The following CDH2 variants were observed in gnomAD, a reference collection of about 807,000 sequenced individuals.
CDH2 encodes cadherin 2, also known as cadherin-2.
Under a neutral mutation model 92.0 loss-of-function variants are expected in CDH2, and 17 were observed. The observed-to-expected ratio is 0.18, with a 90% CI of 0.13 to 0.28. The LOEUF (loss-of-function observed/expected upper bound fraction) is 0.28. Ranked by LOEUF, CDH2 falls within the 10% of genes least tolerant of loss-of-function variation. CDH2 has a pLI of 1.00. For synonymous variants in CDH2, 419 were observed against 415.9 expected (o/e 1.01, Z -0.09); for missense variants, 862 against 1,133.1 (o/e 0.76, Z 3.44).
chr18:27,986,004 C>A (rs2012220665), intron 11 of CDH2, among the ~76,000 whole-genome samples: 2 of 152,130 alleles, frequency 1.3e-5, no homozygotes, highest in Admixed American at 1.3e-4. Flanking sequence ...ACGAAGAATG[C>A]CCCTGTGATG....
At chr18:28,123,761 T>C (rs1258486418) in intron 2 of CDH2, among the ~76,000 whole-genome samples, 1 of 152,154 alleles carries the variant, frequency 6.6e-6, no homozygotes, top group African/African-American at 2.4e-5. Flanking sequence ...ATTGATCAGC[T>C]CAGACTAAAC....
intron 2 of CDH2, among the ~76,000 whole-genome samples, chr18:28,113,523 C>T (rs1447263935): frequency 6.7e-6 from 1 of 149,410 alleles, no homozygotes; most frequent in Admixed American, 6.7e-5. Flanking sequence ...TTACCAAAGA[C>T]GTGGCACAAA....
rs17536731 is a variant in CDH2 at position 28,155,746 on chromosome 18, C to T, written c.61-7962G>A. ...TGACACTGTTCGAGAACATTCAGCACGACTAATTTTTTTATTTTTTAATCC... is the reference window on the plus strand; with the variant it reads ...TGACACTGTTCGAGAACATTCAGCATGACTAATTTTTTTATTTTTTAATCC... On this transcript the variant is annotated intron_variant, in intron 1 of 15. Coordinates refer to ENST00000269141, the MANE Select transcript of CDH2 (RefSeq NM_001792.5). Among the ~76,000 whole-genome samples, 637 of 152,244 alleles carry T rather than the reference C, an allele frequency of 4.2e-3. 4 individuals are homozygous for T. Among genetic ancestry groups the T allele is most frequent in the African/African-American group, 0.015 (604 of 41,522 alleles).
chr18:27,949,543 T>C (rs1035101500), downstream of CDH2, among the ~76,000 whole-genome samples: 1 of 151,924 alleles, frequency 6.6e-6, no homozygotes, highest in Non-Finnish European at 1.5e-5. Flanking sequence ...ACATATATAC[T>C]AATATGGAAA....
intron 2 of CDH2, among the ~76,000 whole-genome samples, chr18:28,040,149 T>A (rs1432366631): frequency 2.6e-5 from 4 of 152,198 alleles, no homozygotes; most frequent in Non-Finnish European, 5.9e-5. Context: ...GCACAGGGCC[T>A]CAGAGCGAAT....
intron 7 of CDH2, among the ~76,000 whole-genome samples, chr18:27,995,175 G>A (rs1454729659): frequency 5.9e-5 from 9 of 151,786 alleles, no homozygotes; most frequent in Non-Finnish European, 1.0e-4. Context: ...TTAGCCAGGC[G>A]TGGTGGTGGG....
At chr18:28,110,519 C>G (rs547756123) in intron 2 of CDH2, among the ~76,000 whole-genome samples, 1 of 151,406 alleles carries the variant, frequency 6.6e-6, no homozygotes, top group African/African-American at 2.4e-5. Context: ...AAAGCCTTTG[C>G]TTTTGTTCCT....
rs143876844 is a variant in CDH2 at position 28,016,524 on chromosome 18, T to C, written c.173-2615A>G. ...TAGTAGAAGAAAATGAATTAATACTTATGGAATGCCAGGCACTGAAAAAGA... is the reference window on the plus strand; with the variant it reads ...TAGTAGAAGAAAATGAATTAATACTCATGGAATGCCAGGCACTGAAAAAGA... On this transcript the variant is annotated intron_variant, in intron 2 of 15. Coordinates refer to ENST00000269141, the MANE Select transcript of CDH2 (RefSeq NM_001792.5). 9.1e-3 allele frequency among the ~76,000 whole-genome samples: 1,384 copies of C among 152,262 alleles called. 7 individuals are homozygous for C. The highest frequency in any genetic ancestry group is 0.017 in the Middle Eastern group (5 of 294).
chr18:28,110,738 G>T (rs971558234), intron 2 of CDH2, among the ~76,000 whole-genome samples: 8 of 152,132 alleles, frequency 5.3e-5, no homozygotes, highest in Non-Finnish European at 8.8e-5. Flanking sequence ...GTTATTTACT[G>T]CAACAAGAAT....
intron 2 of CDH2, among the ~76,000 whole-genome samples, chr18:28,086,292 C>T (rs969664218): frequency 2.0e-5 from 3 of 152,104 alleles, no homozygotes; most frequent in Non-Finnish European, 4.4e-5. Flanking sequence ...TCCTTTCCAA[C>T]ATTAGAACTC....
chr18:27,973,459 T>C (rs2011724255), intron 14 of CDH2, among the ~76,000 whole-genome samples: 1 of 152,194 alleles, frequency 6.6e-6, no homozygotes, highest in South Asian at 2.1e-4. Context: ...CTGCTTTCCC[T>C]TGTTTTTGGT....
chr18:28,143,951 A>G (rs1049051833), intron 2 of CDH2, among the ~76,000 whole-genome samples: 6 of 152,028 alleles, frequency 3.9e-5, no homozygotes, highest in African/African-American at 1.4e-4. Flanking sequence ...GAAATATGAG[A>G]ACACATGGAC....
intron 2 of CDH2, among the ~76,000 whole-genome samples, chr18:28,094,903 G>C (rs567803689): frequency 1.3e-5 from 2 of 151,984 alleles, no homozygotes; most frequent in East Asian, 3.9e-4. Flanking sequence ...CAATGGGCCA[G>C]GCCAATTTAA....
chr18:28,091,463 TA>T (rs1567994823), intron 2 of CDH2, among the ~76,000 whole-genome samples: 1 of 152,182 alleles, frequency 6.6e-6, no homozygotes, highest in Non-Finnish European at 1.5e-5. Context: ...TATGTTTTTG[TA>T]AAGTAGTGGG....
chr18:28,127,798 C>T (rs780454467), intron 2 of CDH2, among the ~76,000 whole-genome samples: 17 of 152,174 alleles, frequency 1.1e-4, no homozygotes, highest in Non-Finnish European at 2.1e-4. Flanking sequence ...ACATTTCTTG[C>T]ATTTTATATA....
downstream of CDH2, among the ~76,000 whole-genome samples, chr18:27,946,369 C>T (rs1209392986): frequency 6.6e-6 from 1 of 151,850 alleles, no homozygotes; most frequent in Non-Finnish European, 1.5e-5. Flanking sequence ...GAAAACATAA[C>T]CTAAGGTATG....
chr18:28,000,982 C>T (rs1205620850), intron 7 of CDH2, among the ~76,000 whole-genome samples: 4 of 151,954 alleles, frequency 2.6e-5, no homozygotes, highest in South Asian at 2.1e-4. Context: ...ATAAACCATC[C>T]GAGATAGATG....
At chr18:28,150,577 T>C (rs2016105863) in intron 1 of CDH2, among the ~76,000 whole-genome samples, 1 of 152,156 alleles carries the variant, frequency 6.6e-6, no homozygotes, top group South Asian at 2.1e-4. Context: ...CTCAATGTGC[T>C]GCCCCTTACT....
At chr18:27,987,781 A>C (rs188582686) in intron 11 of CDH2, among the ~76,000 whole-genome samples, 1 of 152,276 alleles carries the variant, frequency 6.6e-6, no homozygotes, top group East Asian at 1.9e-4. Context: ...CTATTTAACA[A>C]AAAAAGGAAA....
Sources: allele counts gnomAD v4.1 joint callset (sites outside exome capture counted in the v4.1 genomes callset), GRCh38; gene constraint gnomAD v4.1.1; transcripts MANE v1.5; gene names NCBI Gene and HGNC (gene_info 2026-07-23, HGNC 2026-07-21).